MALRD1: variants seen among roughly 807,000 people sequenced by gnomAD.
MALRD1 encodes MAM and LDL-receptor class A domain-containing protein 1.
A neutral mutation model predicts 242.1 loss-of-function variants in MALRD1; 247 were observed. That is an observed-to-expected ratio of 1.02 (90% CI 0.92 to 1.13). MALRD1 has a LOEUF of 1.13. Ranked by LOEUF, MALRD1 falls within the 50% of genes most tolerant of loss-of-function variation. The pLI is 0.00. For missense variants in MALRD1, 2,989 were observed against 2,533.1 expected, an observed-to-expected ratio of 1.18 and a Z score of -3.86; for synonymous variants, 995 against 866.6, an observed-to-expected ratio of 1.15 and a Z score of -2.60.
In MALRD1 at chr10:19,611,311, A is replaced by G. The variant is rs78018468; in HGVS notation, c.6070+3409A>G. Among the ~76,000 whole-genome samples the G allele has an allele frequency of 5.0e-4, 76 of 152,102 alleles. 1 individual carries two copies. In the East Asian group the frequency reaches 0.011, roughly 23 times the overall value. On this transcript the variant is annotated intron_variant, in intron 35 of 39. Coordinates refer to ENST00000454679, the MANE Select transcript of MALRD1 (RefSeq NM_001142308.3). Reference sequence around the variant, plus strand: ...CAATCTTCCCAGCAAACTAGTATATAGCACCTGTCACTTCCCTAGTCTCTG... The same window carrying G: ...CAATCTTCCCAGCAAACTAGTATATGGCACCTGTCACTTCCCTAGTCTCTG...
intron 28 of MALRD1, among the ~76,000 whole-genome samples, chr10:19,425,236 A>C (rs1833862614): frequency 6.6e-6 from 1 of 152,142 alleles, no homozygotes. Flanking sequence ...TCTTTTCCTT[A>C]TTAGCCTTAA....
At chr10:19,082,643 T>C (rs1236162541) in intron 2 of MALRD1, among the ~76,000 whole-genome samples, 1 of 133,808 alleles carries the variant, frequency 7.5e-6, no homozygotes, top group South Asian at 2.4e-4. Context: ...CTTGTTTCTT[T>C]GCATTTCTCA....
intron 2 of MALRD1, among the ~76,000 whole-genome samples, chr10:19,076,029 A>C (rs556852174): frequency 4.7e-4 from 72 of 152,066 alleles, no homozygotes; most frequent in African/African-American, 1.7e-3. Context: ...ACACTAATTA[A>C]TGGTATGATT....
intron 18 of MALRD1, among the ~76,000 whole-genome samples, chr10:19,249,412 G>T (rs1012288850): frequency 6.7e-6 from 1 of 148,538 alleles, no homozygotes; most frequent in Non-Finnish European, 1.5e-5. Context: ...TTTGGCACAT[G>T]TTTTTTTTTT....
Position 19,165,670 on chromosome 10 carries a change from A to G in MALRD1, c.1690A>G (p.Asn564Asp), listed in dbSNP as rs1169275586. Residue 564 changes from asparagine (N) to aspartate (D), a missense_variant, in exon 13 of 40, where the codon AAT becomes GAT. By Grantham distance (23) the Asn-to-Asp change is conservative. Transcript: ENST00000454679. ...TTGGTATCATTTGTCTCAACATTCA[A>G]ATCTCTCAGTTTTTACAAGAACGTC... is the stretch of plus-strand genomic sequence containing the variant. ...QFWYHLSQHSNLSVFTRTSLD... is the reference protein window; with the variant it reads ...QFWYHLSQHSDLSVFTRTSLD... 7.3e-6 allele frequency: 9 copies of G among 1,231,648 alleles called. No individual in the cohort carries two copies. Among genetic ancestry groups the G allele is most frequent in the East Asian group, 3.2e-5 (1 of 31,688 alleles). 76.3% of individuals were successfully genotyped at this position (1,231,648 alleles called of 1,614,324 possible).
At chr10:19,710,036 A>G (rs1370335487) in intron 38 of MALRD1, among the ~76,000 whole-genome samples, 1 of 152,090 alleles carries the variant, frequency 6.6e-6, no homozygotes, top group African/African-American at 2.4e-5. Flanking sequence ...GGAGTTGGAG[A>G]CTATAGTGAG....
intron 22 of MALRD1, among the ~76,000 whole-genome samples, chr10:19,324,510 C>A (rs1471676875): frequency 6.6e-6 from 1 of 151,736 alleles, no homozygotes; most frequent in Non-Finnish European, 1.5e-5. Flanking sequence ...CAAAATGTTT[C>A]TCTGTTAAAA....
chr10:19,490,510 G>GGT (rs766870287), intron 29 of MALRD1, among the ~76,000 whole-genome samples: 2 of 67,264 alleles, frequency 3.0e-5, no homozygotes, highest in Middle Eastern at 5.7e-3. Context: ...GTGGGGCGGG[G>GGT]GGGGGGCAGG....
chr10:19,239,830 A>T (rs1027244219), intron 18 of MALRD1, among the ~76,000 whole-genome samples: 1 of 151,982 alleles, frequency 6.6e-6, no homozygotes, highest in African/African-American at 2.4e-5. Context: ...TTTATTTCTG[A>T]GCTGTATATT....
At position 19,204,647 on chromosome 10, in the gene MALRD1, T is replaced by C. The variant is rs78909641; in HGVS notation, c.2210+234T>C. Among the ~76,000 whole-genome samples the C allele has an allele frequency of 0.015, 2,335 of 152,276 alleles. 102 individuals are homozygous for C. The East Asian group carries it at 0.18, about 12-fold the overall frequency. ...CTTTCCCCCCAACCATGGATTATAA[T>C]TTAATTAAGATTTCTTCCTCTTGTT... is the stretch of plus-strand genomic sequence containing the variant. On this transcript the variant is annotated intron_variant, in intron 16 of 39. Transcript: ENST00000454679.
intron 28 of MALRD1, among the ~76,000 whole-genome samples, chr10:19,449,023 T>C (rs1835160038): frequency 6.6e-6 from 1 of 152,074 alleles, no homozygotes; most frequent in African/African-American, 2.4e-5. Context: ...AATTACACAA[T>C]ATGAGTAGAA....
intron 13 of MALRD1, among the ~76,000 whole-genome samples, chr10:19,173,263 C>A (rs995981655): frequency 1.3e-5 from 2 of 151,506 alleles, no homozygotes; most frequent in Admixed American, 6.6e-5. Flanking sequence ...TTTTTTACTC[C>A]AAAACACATG....
chr10:19,286,158 G>A (rs951119376), intron 21 of MALRD1, among the ~76,000 whole-genome samples: 3 of 142,976 alleles, frequency 2.1e-5, no homozygotes, highest in African/African-American at 7.8e-5. Context: ...TTTGGGCTGA[G>A]ACGATGGGGT....
At chr10:19,111,578 G>A (rs1836681537) in intron 5 of MALRD1, among the ~76,000 whole-genome samples, 1 of 152,198 alleles carries the variant, frequency 6.6e-6, no homozygotes, top group South Asian at 2.1e-4. Context: ...CATGAACCAA[G>A]ATGTTTGCAC....
chr10:19,340,049 GTCCTCATGATCTAA>G (rs754617554), intron 24 of MALRD1, among the ~76,000 whole-genome samples: 14 of 152,000 alleles, frequency 9.2e-5, no homozygotes, highest in Non-Finnish European at 1.6e-4. Context: ...GAGGGAAACC[GTCCTCATGATCTAA>G]TTACCTCCTA....
chr10:19,280,104 C>G lies in MALRD1; in HGVS notation c.3137C>G (p.Pro1046Arg), dbSNP rs1840734025. 6.5e-7 allele frequency: 1 copy of G among 1,538,580 alleles called. No homozygotes were observed. Among genetic ancestry groups the G allele is most frequent in the Non-Finnish European group, 8.8e-7 (1 of 1,142,526 alleles). Residue 1046 changes from proline (P) to arginine (R), a missense_variant, in exon 20 of 40, where the codon CCT (proline) becomes CGT (arginine). By Grantham distance (103) the Pro-to-Arg change is moderately radical (BLOSUM62 -2). Coordinates refer to ENST00000454679, the MANE Select transcript of MALRD1 (RefSeq NM_001142308.3). ...GAAACGTCAGTTCCTGTAACATTAC[C>G]TCCACACAACTGCACAGACAATGAA... is the stretch of plus-strand genomic sequence containing the variant. Reference protein sequence around the residue: ...PPETSVPVTLPPHNCTDNEFI... With the variant: ...PPETSVPVTLRPHNCTDNEFI...
At chr10:19,279,312 G>A (rs1242741446) in intron 19 of MALRD1, among the ~76,000 whole-genome samples, 1 of 152,214 alleles carries the variant, frequency 6.6e-6, no homozygotes. Context: ...AACACTGGAT[G>A]AAAGCCTGAA....
intron 5 of MALRD1, among the ~76,000 whole-genome samples, chr10:19,121,301 A>G (rs1033791804): frequency 1.3e-5 from 2 of 151,722 alleles, no homozygotes; most frequent in African/African-American, 4.8e-5. Flanking sequence ...TCGGCCTCCC[A>G]AGTGCTGGGA....
intron 14 of MALRD1, among the ~76,000 whole-genome samples, chr10:19,193,444 T>A (rs1461659105): frequency 6.6e-6 from 1 of 152,104 alleles, no homozygotes; most frequent in Non-Finnish European, 1.5e-5. Context: ...TAGTCCCAGC[T>A]ACTCAGAGGC....
Sources: gnomAD v4.1 joint callset for allele counts (sites outside exome capture counted in the v4.1 genomes callset) on GRCh38, gnomAD v4.1.1 for gene constraint, MANE v1.5 for transcripts, NCBI Gene and HGNC (gene_info 2026-07-23, HGNC 2026-07-21) for gene names.